Variants in KCNQ3 observed in about 807,000 individuals in gnomAD.
KCNQ3 encodes potassium voltage-gated channel subfamily KQT member 3.
A neutral mutation model predicts 92.5 loss-of-function variants in KCNQ3; 30 were observed. The ratio of observed to expected loss-of-function variants is 0.32; its 90% CI spans 0.24 to 0.44. The LOEUF (loss-of-function observed/expected upper bound fraction) is 0.44, where lower values mean the gene tolerates loss of function less well. KCNQ3 is among the 20% of genes least tolerant of loss of function. The probability of loss-of-function intolerance (pLI) is 1.00; values close to 1 mark genes in which losing one functional copy is unlikely to be tolerated. For missense variants in KCNQ3, 913 were observed against 1,140.3 expected, an observed-to-expected ratio of 0.80 and a Z score of 2.87; for synonymous variants, 450 against 468.8, an observed-to-expected ratio of 0.96 and a Z score of 0.52.
intron 1 of KCNQ3, among the ~76,000 whole-genome samples, chr8:132,251,812 T>C (rs1815420240): frequency 6.6e-6 from 1 of 152,250 alleles, no homozygotes; most frequent in South Asian, 2.1e-4. Context: ...CCCTGTGGGC[T>C]AGTGACAAGC....
chr8:132,199,154 C>T (rs1294240966), intron 1 of KCNQ3, among the ~76,000 whole-genome samples: 1 of 152,050 alleles, frequency 6.6e-6, no homozygotes, highest in Non-Finnish European at 1.5e-5. Context: ...TTAAATACAG[C>T]AGGGTCATTG....
At position 132,334,679 on chromosome 8, in the gene KCNQ3, A is replaced by G. The variant is rs1384472361; in HGVS notation, c.386+145468T>C. Reference sequence around the variant, plus strand: ...GCTTCCAGATGAGAATACCTCAGAGATAACTGATCCTGGCAAGGAGGCAGG... The same window carrying G: ...GCTTCCAGATGAGAATACCTCAGAGGTAACTGATCCTGGCAAGGAGGCAGG... On this transcript the variant is annotated intron_variant, in intron 1 of 14. Coordinates refer to ENST00000388996, the MANE Select transcript of KCNQ3 (RefSeq NM_004519.4). 2.6e-5 allele frequency among the ~76,000 whole-genome samples: 4 copies of G among 152,326 alleles called. No homozygotes were observed. The East Asian group carries it at 7.7e-4, about 29-fold the overall frequency.
chr8:132,378,967 A>T (rs1023984146), intron 1 of KCNQ3, among the ~76,000 whole-genome samples: 1 of 152,246 alleles, frequency 6.6e-6, no homozygotes, highest in African/African-American at 2.4e-5. Context: ...CTTCAGAAGA[A>T]GCACTGAGAA....
At chr8:132,385,288 T>G (rs1302036383) in intron 1 of KCNQ3, among the ~76,000 whole-genome samples, 1 of 152,250 alleles carries the variant, frequency 6.6e-6, no homozygotes, top group Non-Finnish European at 1.5e-5. Context: ...CCTTCCCTTC[T>G]ACAGTTGCCA....
chr8:132,400,323 G>T (rs1001939505), intron 1 of KCNQ3, among the ~76,000 whole-genome samples: 2 of 152,170 alleles, frequency 1.3e-5, no homozygotes, highest in African/African-American at 2.4e-5. Context: ...ACCACGATCC[G>T]ATTTGCAGGC....
intron 1 of KCNQ3, among the ~76,000 whole-genome samples, chr8:132,449,317 C>T (rs1272273821): frequency 6.6e-6 from 1 of 152,192 alleles, no homozygotes; most frequent in Admixed American, 6.5e-5. Context: ...TCATGCCACT[C>T]CCGACCGTGA....
At chr8:132,143,725 CTGAG>C (rs996269419) in intron 9 of KCNQ3, among the ~76,000 whole-genome samples, 1 of 152,200 alleles carries the variant, frequency 6.6e-6, no homozygotes, top group African/African-American at 2.4e-5. Flanking sequence ...TCATTATTAA[CTGAG>C]TAAGTAATCC....
chr8:132,359,667 T>C (rs1819112380), intron 1 of KCNQ3, among the ~76,000 whole-genome samples: 1 of 152,198 alleles, frequency 6.6e-6, no homozygotes, highest in African/African-American at 2.4e-5. Flanking sequence ...TGCTTCCTAA[T>C]TGTGTGATTG....
chr8:132,232,308 G>T (rs1814669519), intron 1 of KCNQ3, among the ~76,000 whole-genome samples: 2 of 152,318 alleles, frequency 1.3e-5, no homozygotes, highest in South Asian at 4.1e-4. Flanking sequence ...CTAGAGGGAG[G>T]TGCCTGATAA....
At chr8:132,243,835 C>T (rs1241143883) in intron 1 of KCNQ3, among the ~76,000 whole-genome samples, 2 of 152,220 alleles carry the variant, frequency 1.3e-5, no homozygotes, top group African/African-American at 2.4e-5. Flanking sequence ...CTAGCAATTA[C>T]CCTTGCATAC....
chr8:132,216,300 T>A (rs1814027326), intron 1 of KCNQ3, among the ~76,000 whole-genome samples: 1 of 152,084 alleles, frequency 6.6e-6, no homozygotes, highest in South Asian at 2.1e-4. Flanking sequence ...TGCGCAAGTG[T>A]TTTGAGCGCG....
chr8:132,182,875 C>T (rs1050412457), intron 3 of KCNQ3, among the ~76,000 whole-genome samples: 31 of 142,048 alleles, frequency 2.2e-4, no homozygotes, highest in African/African-American at 8.5e-4. Flanking sequence ...AAAAGTCCTC[C>T]AATATCGCAC....
At chr8:132,162,602 C>G (rs576507484) in intron 9 of KCNQ3, among the ~76,000 whole-genome samples, 5 of 152,298 alleles carry the variant, frequency 3.3e-5, no homozygotes, top group African/African-American at 9.6e-5. Context: ...TCCTCAAAGG[C>G]CCTTACAGTC....
chr8:132,181,419 A>C (rs1157785242), intron 3 of KCNQ3, among the ~76,000 whole-genome samples: 1 of 152,180 alleles, frequency 6.6e-6, no homozygotes, highest in Admixed American at 6.5e-5. Context: ...GAAACATAAT[A>C]ATTGTACATA....
intron 1 of KCNQ3, among the ~76,000 whole-genome samples, chr8:132,191,129 A>G (rs566276717): frequency 6.6e-6 from 1 of 152,282 alleles, no homozygotes; most frequent in South Asian, 2.1e-4. Flanking sequence ...TCAAATGAAG[A>G]CTTTGAGCTT....
intron 1 of KCNQ3, among the ~76,000 whole-genome samples, chr8:132,470,993 G>C (rs1822287729): frequency 6.6e-6 from 1 of 152,160 alleles, no homozygotes; most frequent in African/African-American, 2.4e-5. Context: ...GGGTTAGTTT[G>C]TCTCATTATA....
At chr8:132,196,423 G>T (rs1373848059) in intron 1 of KCNQ3, among the ~76,000 whole-genome samples, 3 of 152,094 alleles carry the variant, frequency 2.0e-5, no homozygotes, top group Non-Finnish European at 2.9e-5. Context: ...TCCTTGACAT[G>T]CACTTACCAT....
intron 1 of KCNQ3, among the ~76,000 whole-genome samples, chr8:132,372,392 T>C (rs1055542759): frequency 6.6e-6 from 1 of 152,104 alleles, no homozygotes; most frequent in Non-Finnish European, 1.5e-5. Flanking sequence ...CTCAAGCTTC[T>C]CATCTGTAAA....
intron 1 of KCNQ3, among the ~76,000 whole-genome samples, chr8:132,396,966 A>G (rs199656146): frequency 3.4e-4 from 46 of 135,818 alleles, no homozygotes; most frequent in African/African-American, 1.2e-3. Context: ...GTGTGTGTGT[A>G]TGTGTGTGTG....
Sources: allele counts gnomAD v4.1 joint callset (sites outside exome capture counted in the v4.1 genomes callset), GRCh38; gene constraint gnomAD v4.1.1; transcripts MANE v1.5; gene names NCBI Gene and HGNC (gene_info 2026-07-23, HGNC 2026-07-21).